TMEM266: variants seen among roughly 807,000 people sequenced by gnomAD.
The protein encoded by TMEM266 is transmembrane protein 266.
A neutral mutation model predicts 50.5 loss-of-function variants in TMEM266; 33 were observed. The observed-to-expected ratio is 0.65, with a 90% CI of 0.50 to 0.87. The LOEUF is 0.87. Among genes scored for constraint, TMEM266 ranks in the 40% least tolerant of loss-of-function variants. The probability of loss-of-function intolerance (pLI) is 0.00; values close to 1 mark genes in which losing one functional copy is unlikely to be tolerated. For missense variants in TMEM266, 655 were observed against 695.1 expected, an observed-to-expected ratio of 0.94 and a Z score of 0.65; for synonymous variants, 310 against 292.3, an observed-to-expected ratio of 1.06 and a Z score of -0.62.
intron 5 of TMEM266, among the ~76,000 whole-genome samples, chr15:76,164,782 T>G (rs867911871): frequency 6.6e-6 from 1 of 152,202 alleles, no homozygotes; most frequent in African/African-American, 2.4e-5. Context: ...CCCAACCCAC[T>G]GCCGACAGTG....
At chr15:76,132,384 T>C (rs113323404) in intron 1 of TMEM266, among the ~76,000 whole-genome samples, 1,868 of 152,102 alleles carry the variant, frequency 0.012, 38 homozygotes, top group African/African-American at 0.043. Flanking sequence ...CCTGGGATTA[T>C]AGGCGTGAAC....
At chr15:76,175,495 C>G in intron 7 of TMEM266, 64 bp from the exon 8 acceptor site, 2 of 1,314,132 alleles carry the variant, frequency 1.5e-6, no homozygotes, top group Admixed American at 1.9e-5. Flanking sequence ...ATGCTGGGCC[C>G]GCCCTTCCCT....
chr15:76,078,150 A>G (rs1041360209), intron 1 of TMEM266, among the ~76,000 whole-genome samples: 1 of 152,022 alleles, frequency 6.6e-6, no homozygotes, highest in African/African-American at 2.4e-5. Flanking sequence ...TCAGGCCTGA[A>G]CTTTGTGGTG....
intron 1 of TMEM266, among the ~76,000 whole-genome samples, chr15:76,080,426 A>G (rs931687610): frequency 1.3e-5 from 2 of 148,494 alleles, no homozygotes; most frequent in East Asian, 2.0e-4. Flanking sequence ...TAATTTTTGT[A>G]TTTTTAGTAG....
chr15:76,184,718 G>A (rs547844525), intron 8 of TMEM266, among the ~76,000 whole-genome samples: 9 of 152,194 alleles, frequency 5.9e-5, no homozygotes, highest in Non-Finnish European at 1.2e-4. Flanking sequence ...GGGTGTGCCC[G>A]TCCTGCCGCC....
intron 10 of TMEM266, among the ~76,000 whole-genome samples, chr15:76,202,776 A>G (rs1378111668): frequency 1.3e-5 from 2 of 152,164 alleles, no homozygotes; most frequent in East Asian, 3.9e-4. Flanking sequence ...TCGTTTCTCC[A>G]TAGCCCCCTT....
At chr15:76,144,861 C>T (rs2037734066) in intron 3 of TMEM266, among the ~76,000 whole-genome samples, 1 of 152,296 alleles carries the variant, frequency 6.6e-6, no homozygotes, top group South Asian at 2.1e-4. Context: ...CCCACAATGC[C>T]CTGTTACATG....
At chr15:76,065,520 C>G (rs903496262) in intron 1 of TMEM266, among the ~76,000 whole-genome samples, 1 of 152,200 alleles carries the variant, frequency 6.6e-6, no homozygotes, top group Non-Finnish European at 1.5e-5. Flanking sequence ...CCTTCCTGTT[C>G]TATCAAGAGG....
chr15:76,126,906 G>T (rs558758875), intron 1 of TMEM266, among the ~76,000 whole-genome samples: 1 of 152,222 alleles, frequency 6.6e-6, no homozygotes, highest in South Asian at 2.1e-4. Flanking sequence ...ACCAGGGGTT[G>T]CGGGGGGCAG....
rs779923079 is a variant in TMEM266 at position 76,204,259 on chromosome 15, A to T, written c.1540A>T (p.Lys514Ter). 6.2e-7 allele frequency: 1 copy of T among 1,613,908 alleles called. No homozygotes were observed. Among genetic ancestry groups the T allele is most frequent in the South Asian group, 1.1e-5 (1 of 91,084 alleles). Reference sequence around the variant, plus strand: ...GCCCACTGTGCCCATGCTGGAGGACAAGTTCAGATCTTTGGAATCCAAAGA... The same window carrying T: ...GCCCACTGTGCCCATGCTGGAGGACTAGTTCAGATCTTTGGAATCCAAAGA... Residue 514 changes from lysine to a stop codon, truncating the protein, a stop_gained, in exon 11 of 11, where the codon AAG (lysine) becomes TAG (stop). Transcript: ENST00000388942. LOFTEE classifies it high-confidence loss of function.
At chr15:76,071,405 A>G (rs1382203765) in intron 1 of TMEM266, among the ~76,000 whole-genome samples, 2 of 152,180 alleles carry the variant, frequency 1.3e-5, no homozygotes, top group Non-Finnish European at 2.9e-5. Context: ...AAGATGAGGC[A>G]TTCAAGGAGA....
rs1207139477 is a variant in TMEM266, at chr15:76,153,134, C to A, written c.228-3470C>A. On this transcript the variant is annotated intron_variant, in intron 3 of 10. Coordinates refer to ENST00000388942, the MANE Select transcript of TMEM266 (RefSeq NM_152335.3). The surrounding 1 kb of genome is among the most constrained non-coding windows in gnomAD (Gnocchi z 4.2). ...TGATATGGTTAGTAAGTTTCTCTAA[C>A]AAAAAAAAAAAGAAGAAAAAAACGA... is the stretch of plus-strand genomic sequence containing the variant. Among the ~76,000 whole-genome samples, 14 of 147,032 alleles carry A rather than the reference C, an allele frequency of 9.5e-5. No individual in the cohort carries two copies. The highest frequency in any genetic ancestry group is 2.0e-4 in the East Asian group (1 of 4,970).
At chr15:76,077,221 C>G (rs1447211088) in intron 1 of TMEM266, among the ~76,000 whole-genome samples, 1 of 152,084 alleles carries the variant, frequency 6.6e-6, no homozygotes, top group Non-Finnish European at 1.5e-5. Flanking sequence ...CCACCTTGGC[C>G]TCCCAAAGTT....
chr15:76,123,043 A>C (rs2037367358), intron 1 of TMEM266, among the ~76,000 whole-genome samples: 1 of 152,156 alleles, frequency 6.6e-6, no homozygotes, highest in Non-Finnish European at 1.5e-5. Flanking sequence ...CTACATCACT[A>C]AGTAAGTGAA....
chr15:76,169,931 G>A (rs973464272), intron 6 of TMEM266, 59 bp downstream of exon 6: 68 of 1,553,988 alleles, frequency 4.4e-5, no homozygotes, highest in East Asian at 9.0e-5. Flanking sequence ...GCTGGAAAAC[G>A]TCATGTCCCA....
intron 9 of TMEM266, among the ~76,000 whole-genome samples, chr15:76,198,932 G>GGGCTCTCAGACTCACGCCTTAA (rs1555453567): frequency 9.9e-5 from 15 of 152,166 alleles, no homozygotes; most frequent in South Asian, 2.1e-4. Flanking sequence ...GGAGCAGAGG[G>GGGCTCTCAGACTCACGCCTTAA]AGTAGGGACA....
intron 8 of TMEM266, chr15:76,191,394 C>G (rs925613645): frequency 1.3e-5 from 2 of 152,236 alleles, no homozygotes; most frequent in Admixed American, 1.3e-4. Flanking sequence ...GGAGAGGTGA[C>G]GGGACTTGCT....
At chr15:76,129,276 C>T (rs187227532) in intron 1 of TMEM266, among the ~76,000 whole-genome samples, 1 of 152,172 alleles carries the variant, frequency 6.6e-6, no homozygotes, top group East Asian at 1.9e-4. Flanking sequence ...AAAATTGAAC[C>T]TGAATCTGAT....
chr15:76,126,775 T>C (rs1019573230), intron 1 of TMEM266, among the ~76,000 whole-genome samples: 2 of 152,090 alleles, frequency 1.3e-5, no homozygotes, highest in Non-Finnish European at 2.9e-5. Flanking sequence ...GTAGTCCACC[T>C]GCCTGGGCCT....
Sources: gnomAD v4.1 joint callset for allele counts (sites outside exome capture counted in the v4.1 genomes callset) on GRCh38, gnomAD v4.1.1 for gene constraint, Gnocchi (gnomAD v3.1) non-coding constraint, MANE v1.5 for transcripts, NCBI Gene and HGNC (gene_info 2026-07-23, HGNC 2026-07-21) for gene names.